SYT1: variants seen among roughly 807,000 people sequenced by gnomAD.
SYT1 encodes synaptotagmin 1.
A neutral mutation model predicts 44.8 loss-of-function variants in SYT1; 8 were observed. That is an observed-to-expected ratio of 0.18 (90% CI 0.10 to 0.32). SYT1 has a LOEUF of 0.32. SYT1 is among the 10% of genes least tolerant of loss of function. SYT1 has a pLI of 1.00. For missense variants in SYT1, 286 were observed against 509.3 expected (o/e 0.56, Z 4.22); for synonymous variants, 154 against 188.8 (o/e 0.82, Z 1.51).
intron 1 of SYT1, among the ~76,000 whole-genome samples, chr12:78,923,611 G>T (rs1185293624): frequency 6.6e-6 from 1 of 151,780 alleles, no homozygotes; most frequent in Non-Finnish European, 1.5e-5. Flanking sequence ...ATAGAGACAA[G>T]AATTGTACAA....
chr12:79,192,144 G>A (rs190290639), intron 3 of SYT1, among the ~76,000 whole-genome samples: 1 of 152,202 alleles, frequency 6.6e-6, no homozygotes, highest in Admixed American at 6.6e-5. Flanking sequence ...AGAGATTGAA[G>A]GTCTAAGAAT....
At chr12:79,404,230 T>G (rs1202295656) in intron 9 of SYT1, among the ~76,000 whole-genome samples, 1 of 152,186 alleles carries the variant, frequency 6.6e-6, no homozygotes, top group African/African-American at 2.4e-5. Context: ...CATTACCTTA[T>G]GTAATTCCCA....
At chr12:79,357,766 G>A (rs950143327) in intron 9 of SYT1, among the ~76,000 whole-genome samples, 8 of 152,264 alleles carry the variant, frequency 5.3e-5, no homozygotes, top group African/African-American at 1.9e-4. Flanking sequence ...TATACGTGGA[G>A]ACAATCAAGA....
chr12:79,279,028 C>A (rs906533230), intron 4 of SYT1, among the ~76,000 whole-genome samples: 5 of 141,186 alleles, frequency 3.5e-5, no homozygotes, highest in African/African-American at 1.0e-4. Context: ...AAAAAAAAAA[C>A]CTCACAACAA....
intron 9 of SYT1, among the ~76,000 whole-genome samples, chr12:79,360,286 T>A (rs1002591270): frequency 6.6e-6 from 1 of 152,168 alleles, no homozygotes; most frequent in African/African-American, 2.4e-5. Flanking sequence ...CTTTCATCAG[T>A]CCAGTATCCT....
At chr12:79,342,497 C>T (rs1882423422) in intron 8 of SYT1, among the ~76,000 whole-genome samples, 1 of 152,148 alleles carries the variant, frequency 6.6e-6, no homozygotes, top group African/African-American at 2.4e-5. Flanking sequence ...TCCCAAAGTG[C>T]GGGGATTATA....
chr12:78,876,889 AAT>A (rs1874187835), intron 1 of SYT1, among the ~76,000 whole-genome samples: 1 of 58,316 alleles, frequency 1.7e-5, no homozygotes, highest in African/African-American at 8.5e-5. Context: ...TATTATATAT[AAT>A]ATATATTATA....
chr12:79,421,284 T>C (rs1869097201), intron 9 of SYT1, among the ~76,000 whole-genome samples: 1 of 152,180 alleles, frequency 6.6e-6, no homozygotes, highest in Non-Finnish European at 1.5e-5. Flanking sequence ...TCCATTGTGG[T>C]AGATGAAACT....
chr12:79,276,232 T>C (rs1429318643), intron 4 of SYT1, among the ~76,000 whole-genome samples: 1 of 152,084 alleles, frequency 6.6e-6, no homozygotes, highest in Non-Finnish European at 1.5e-5. Flanking sequence ...ATCTTTGGAA[T>C]ACCAGATAAA....
intron 9 of SYT1, among the ~76,000 whole-genome samples, chr12:79,436,902 G>A (rs1870122167): frequency 6.6e-6 from 1 of 152,136 alleles, no homozygotes; most frequent in South Asian, 2.1e-4. Flanking sequence ...AAAGAGACAT[G>A]TACTTTACGG....
intron 3 of SYT1, among the ~76,000 whole-genome samples, chr12:79,137,092 C>CT (rs550391525): frequency 6.8e-4 from 99 of 145,200 alleles, no homozygotes; most frequent in East Asian, 1.6e-3. Context: ...ATACTTGGAA[C>CT]TTTTTTTTTT....
At chr12:79,351,323 T>C (rs1481285823) in intron 8 of SYT1, among the ~76,000 whole-genome samples, 1 of 152,180 alleles carries the variant, frequency 6.6e-6, no homozygotes, top group Non-Finnish European at 1.5e-5. Context: ...ATAAAAGGTA[T>C]TGGAAGAAGA....
intron 1 of SYT1, among the ~76,000 whole-genome samples, chr12:78,962,272 T>C (rs1489994704): frequency 6.6e-6 from 1 of 151,908 alleles, no homozygotes; most frequent in Non-Finnish European, 1.5e-5. Flanking sequence ...AATAACTTAA[T>C]ACGAGGTAAA....
chr12:79,117,104 A>G (rs1166775708), intron 3 of SYT1, among the ~76,000 whole-genome samples: 1 of 152,192 alleles, frequency 6.6e-6, no homozygotes, highest in African/African-American at 2.4e-5. Context: ...GGAGAGATTA[A>G]TCTACCAGCA....
At chr12:79,238,801 A>G (rs1176090622) in intron 4 of SYT1, among the ~76,000 whole-genome samples, 1 of 152,204 alleles carries the variant, frequency 6.6e-6, no homozygotes, top group Non-Finnish European at 1.5e-5. Context: ...GTTGATGGCA[A>G]TCCAACTGAT....
At chr12:78,931,288 AAGGAAGGAAGGAAGGAAGGAGAGG>A (rs1444445089) in intron 1 of SYT1, among the ~76,000 whole-genome samples, 2 of 95,192 alleles carry the variant, frequency 2.1e-5, no homozygotes, top group Admixed American at 9.9e-5. Context: ...GGAAGGAAGG[AAGGAAGGAAGGAAGGAAGGAGAGG>A]GAGGGAGGGA....
intron 9 of SYT1, among the ~76,000 whole-genome samples, chr12:79,365,448 G>T (rs548632631): frequency 1.7e-4 from 26 of 151,888 alleles, no homozygotes; most frequent in Non-Finnish European, 3.1e-4. Flanking sequence ...ACATGCTCTT[G>T]GATAGGGAAC....
At chr12:78,902,453 A>G (rs1457775230) in intron 1 of SYT1, among the ~76,000 whole-genome samples, 1 of 152,152 alleles carries the variant, frequency 6.6e-6, no homozygotes, top group African/African-American at 2.4e-5. Flanking sequence ...ATAAACAGCC[A>G]TCTACCAGTG....
At chr12:78,872,363 C>T (rs1476214352) in intron 1 of SYT1, among the ~76,000 whole-genome samples, 5 of 151,786 alleles carry the variant, frequency 3.3e-5, no homozygotes, top group Non-Finnish European at 7.4e-5. Context: ...GTGGATGAGA[C>T]AAGTTCTTTT....
Sources: gnomAD v4.1 joint callset for allele counts (sites outside exome capture counted in the v4.1 genomes callset) on GRCh38, gnomAD v4.1.1 for gene constraint, MANE v1.5 for transcripts, NCBI Gene and HGNC (gene_info 2026-07-23, HGNC 2026-07-21) for gene names.